Variants in MEGF6 observed in about 807,000 individuals in gnomAD.
The protein encoded by MEGF6 is multiple epidermal growth factor-like domains protein 6.
MEGF6 carries 184 observed loss-of-function variants against 207.1 expected under a neutral mutation model. The observed-to-expected ratio is 0.89, with a 90% CI of 0.79 to 1.00. The LOEUF is 1.00. Among genes scored for constraint, MEGF6 ranks in the 50% least tolerant of loss-of-function variants. The pLI is 0.00. For synonymous variants in MEGF6, 1,038 were observed against 910.0 expected, an observed-to-expected ratio of 1.14 and a Z score of -2.53; for missense variants, 2,282 against 2,202.9, an observed-to-expected ratio of 1.04 and a Z score of -0.72.
At chr1:3,542,093 C>T (rs1170778619) in intron 4 of MEGF6, among the ~76,000 whole-genome samples, 1 of 152,114 alleles carries the variant, frequency 6.6e-6, no homozygotes, top group Admixed American at 6.5e-5. Context: ...CCCCAACCCC[C>T]GGCTGCCCCG....
At chr1:3,504,782 G>A (rs1641039634) in intron 17 of MEGF6, among the ~76,000 whole-genome samples, 1 of 152,186 alleles carries the variant, frequency 6.6e-6, no homozygotes, top group Admixed American at 6.5e-5. Flanking sequence ...GGCCGGCACT[G>A]CACCCAGACC....
chr1:3,505,468 G>A lies in MEGF6; in HGVS notation c.2007C>T (p.Gly669=), dbSNP rs183577024. The A allele has an allele frequency of 9.5e-4, 1,535 of 1,610,006 alleles. 14 individuals are homozygous for A. The African/African-American group carries it at 0.019, about 20-fold the overall frequency. The change falls in exon 16 of 37, where the codon GGC becomes GGT. Residue 669 remains glycine, a synonymous_variant. Coordinates refer to ENST00000356575, the MANE Select transcript of MEGF6 (RefSeq NM_001409.4). ...PHTQSCDKRD[G]SCSCKAGFRG... The stretch of plus-strand genomic sequence containing the variant: ...GGAAGCCAGCCTTGCAGGAGCAGCT[G>A]CCATCCCTCTTGTCACAGGACTGCG...
rs1165546169 is a variant in MEGF6, at chr1:3,487,977, T to C, written c.*2551A>G. Among the ~76,000 whole-genome samples the C allele has an allele frequency of 6.6e-6, 1 of 152,188 alleles. No homozygotes were observed. The highest frequency in any genetic ancestry group is 1.5e-5 in the Non-Finnish European group (1 of 68,024). On this transcript the variant is annotated 3_prime_UTR_variant, in exon 37 of 37. Transcript: ENST00000356575. ...GCAGTCTAGTCTGTTTTTAATGATGTTTTTAATTGACAATAATTGTAGATA... is the reference window on the plus strand; with the variant it reads ...GCAGTCTAGTCTGTTTTTAATGATGCTTTTAATTGACAATAATTGTAGATA...
chr1:3,509,094 G>C lies in MEGF6; in HGVS notation c.1509C>G (p.His503Gln). 2 of 1,597,678 alleles carry C rather than the reference G, an allele frequency of 1.3e-6. No homozygotes were observed. The highest frequency in any genetic ancestry group is 1.7e-6 in the Non-Finnish European group (2 of 1,173,336). The change falls in exon 12 of 37, where the codon CAC (histidine) becomes CAG (glutamine). Residue 503 changes from histidine to glutamine, a missense_variant. Physicochemically the swap from His to Gln is conservative, Grantham distance 24. Coordinates refer to ENST00000356575, the MANE Select transcript of MEGF6 (RefSeq NM_001409.4). ...GCTCACCAAACTTCTCTGTGAGCGT[G>C]TGTTCGCCCCGCAACTCTGCCTCTT... The part of the protein sequence containing the change: ...DEEEAELRGE[H>Q]TLTEKFVCLD...
rs531409031 is a variant in MEGF6, at chr1:3,510,141, C to T, written c.1235-149G>A. 1.3e-4 allele frequency: 149 copies of T among 1,141,994 alleles called. No individual in the cohort carries two copies. The East Asian group carries it at 3.0e-3, about 23-fold the overall frequency. The allele number at this position is 1,141,994 out of a possible 1,614,324, so 70.7% of individuals were successfully genotyped here. On this transcript the variant is annotated intron_variant, in intron 10 of 36. Transcript: ENST00000356575. Reference sequence around the variant, plus strand: ...TCTTCAACCAGCCAGTAAAACTCACCCTCAGCCACAGAGGCCACTCTGGCC... The same window carrying T: ...TCTTCAACCAGCCAGTAAAACTCACTCTCAGCCACAGAGGCCACTCTGGCC...
At chr1:3,520,499 T>C (rs918581202) in intron 5 of MEGF6, among the ~76,000 whole-genome samples, 4 of 152,140 alleles carry the variant, frequency 2.6e-5, no homozygotes, top group African/African-American at 9.7e-5. Context: ...GAAGCAGGCT[T>C]GGCCCCACCC....
intron 3 of MEGF6, among the ~76,000 whole-genome samples, chr1:3,586,137 CAT>C (rs1437091906): frequency 5.6e-5 from 8 of 142,524 alleles, no homozygotes; most frequent in African/African-American, 8.1e-5. Flanking sequence ...GGGTGTGACA[CAT>C]GTCCTGTGTG....
intron 4 of MEGF6, among the ~76,000 whole-genome samples, chr1:3,528,199 C>T (rs1642030906): frequency 1.3e-5 from 2 of 152,212 alleles, no homozygotes; most frequent in East Asian, 1.9e-4. Flanking sequence ...TGCTGGGGTC[C>T]CCTCCACTCT....
At chr1:3,506,816 A>G (rs1641137011) in intron 14 of MEGF6, among the ~76,000 whole-genome samples, 1 of 152,098 alleles carries the variant, frequency 6.6e-6, no homozygotes, top group Non-Finnish European at 1.5e-5. Flanking sequence ...CATTTCTTGC[A>G]ACAGTGCTTG....
intron 14 of MEGF6, 151 bp from the exon 15 acceptor site, chr1:3,506,387 G>T: frequency 1.0e-6 from 1 of 1,004,870 alleles, no homozygotes; most frequent in Non-Finnish European, 1.4e-6. Context: ...TCCGGATGTG[G>T]CCGTCTGCCC....
At chr1:3,562,788 C>T (rs1421191788) in intron 4 of MEGF6, among the ~76,000 whole-genome samples, 1 of 152,216 alleles carries the variant, frequency 6.6e-6, no homozygotes, top group African/African-American at 2.4e-5. Context: ...ACCTGCTGAC[C>T]AGCCCCTCGA....
intron 1 of MEGF6, among the ~76,000 whole-genome samples, chr1:3,602,897 A>G (rs1644183967): frequency 6.6e-6 from 1 of 152,184 alleles, no homozygotes; most frequent in African/African-American, 2.4e-5. Context: ...CGCTGCCTCA[A>G]CAGACAGGAA....
At position 3,561,126 on chromosome 1, in the gene MEGF6, C is replaced by T. The variant is rs79529784; in HGVS notation, c.481+18699G>A. Among the ~76,000 whole-genome samples, 6 of 152,118 alleles carry T rather than the reference C, an allele frequency of 3.9e-5. 1 individual carries two copies. Among genetic ancestry groups the T allele is most frequent in the South Asian group, 4.1e-4 (2 of 4,826 alleles). On this transcript the variant is annotated intron_variant, in intron 4 of 36. Coordinates refer to ENST00000356575, the MANE Select transcript of MEGF6 (RefSeq NM_001409.4). The stretch of plus-strand genomic sequence containing the variant: ...GAGAGACGGCCTTTCCAAGGGGAGG[C>T]GGCACGGCAGGTCGGGTGGAGGCTG...
Position 3,500,789 on chromosome 1 carries a change from G to A in MEGF6, c.2576-25C>T, listed in dbSNP as rs150833958. On this transcript the variant is annotated intron_variant, in intron 20 of 36. Coordinates refer to ENST00000356575, the MANE Select transcript of MEGF6 (RefSeq NM_001409.4). ...GCTGCAACAGAACTCAGGGTCACCC[G>A]GCGCAGGCCCAAGCGCGGGCCACGG... is the stretch of plus-strand genomic sequence containing the variant. The A allele has an allele frequency of 4.7e-3, 7,579 of 1,601,580 alleles. 34 individuals are homozygous for A. Among genetic ancestry groups the A allele is most frequent in the African/African-American group, 0.019 (1,409 of 74,840 alleles).
Position 3,490,489 on chromosome 1 carries a change from G to A in MEGF6, c.*39C>T, listed in dbSNP as rs907788430. 6.2e-7 allele frequency: 1 copy of A among 1,609,632 alleles called. No individual in the cohort carries two copies. ...TCACCAAAGGCCAGGGTCCCCTCTG[G>A]CTGGGACTGGAGAGGCGGGCTCCAC... On this transcript the variant is annotated 3_prime_UTR_variant, in exon 37 of 37. Coordinates refer to ENST00000356575, the MANE Select transcript of MEGF6 (RefSeq NM_001409.4).
intron 4 of MEGF6, among the ~76,000 whole-genome samples, chr1:3,544,661 CTCTCACT>C (rs756116532): frequency 1.3e-5 from 2 of 152,236 alleles, no homozygotes; most frequent in Non-Finnish European, 2.9e-5. Context: ...GGTCTTGGGC[CTCTCACT>C]CTGCTCTGCC....
At chr1:3,575,674 G>T (rs1054348855) in intron 4 of MEGF6, among the ~76,000 whole-genome samples, 1 of 152,118 alleles carries the variant, frequency 6.6e-6, no homozygotes, top group South Asian at 2.1e-4. Context: ...GAGCTTGTGC[G>T]GGGAAACTCC....
chr1:3,518,986 A>T (rs1641642760), intron 5 of MEGF6, among the ~76,000 whole-genome samples: 1 of 152,154 alleles, frequency 6.6e-6, no homozygotes, highest in African/African-American at 2.4e-5. Flanking sequence ...CCTCGTCCAC[A>T]CGCCAAGGGG....
At chr1:3,504,591 G>A (rs574809956) in intron 17 of MEGF6, among the ~76,000 whole-genome samples, 6 of 152,142 alleles carry the variant, frequency 3.9e-5, no homozygotes, top group South Asian at 2.1e-4. Context: ...GAATCGCGTC[G>A]GGCAGTTGGT....
Sources: allele counts gnomAD v4.1 joint callset (sites outside exome capture counted in the v4.1 genomes callset), GRCh38; gene constraint gnomAD v4.1.1; transcripts MANE v1.5; gene names NCBI Gene and HGNC (gene_info 2026-07-23, HGNC 2026-07-21).